SPOCD1: variants seen among roughly 807,000 people sequenced by gnomAD.
SPOCD1 encodes SPOC domain containing 1.
In SPOCD1, 64 loss-of-function variants were observed where a neutral mutation model predicts 92.2. That is an observed-to-expected ratio of 0.69 (90% CI 0.57 to 0.86). SPOCD1 has a LOEUF of 0.86. Ranked by LOEUF, SPOCD1 falls within the 40% of genes least tolerant of loss-of-function variation. The pLI is 0.00. For synonymous variants in SPOCD1, 578 were observed against 619.3 expected (o/e 0.93, Z 0.99); for missense variants, 1,360 against 1,543.1 (o/e 0.88, Z 1.99).
rs779165863 is a variant in SPOCD1 at position 31,791,279 on chromosome 1, A to G, written c.2975T>C (p.Leu992Pro). ...RPLGGPGLWALPVSPLLSPGL... is the reference protein window; with the variant it reads ...RPLGGPGLWAPPVSPLLSPGL... ...TGGGGAAAGGAGAGGGGAGACAGGAAGAGCCCAAAGGCCTGCGGGGAAGAA... is the reference window on the plus strand; with the variant it reads ...TGGGGAAAGGAGAGGGGAGACAGGAGGAGCCCAAAGGCCTGCGGGGAAGAA... The change falls in exon 16 of 16, where the codon CTT becomes CCT. Residue 992 changes from leucine to proline, a missense_variant. Coordinates refer to ENST00000360482, the MANE Select transcript of SPOCD1 (RefSeq NM_144569.7). 4.6e-6 allele frequency: 7 copies of G among 1,537,250 alleles called. No individual in the cohort carries two copies. In the South Asian group the frequency reaches 6.3e-5, roughly 14 times the overall value.
chr1:31,798,344 G>C lies in SPOCD1; in HGVS notation c.2029-21C>G. ...AAGTCCTGGTGGGGGCAGGGGGCAG[G>C]GCTGCACCACACGCTGAAAGAGCTC... On this transcript the variant is annotated intron_variant, in intron 8 of 15. Transcript: ENST00000360482. The surrounding 1 kb of genome is among the most constrained non-coding windows in gnomAD (Gnocchi z 4.1). 1 of 1,606,204 alleles carries C rather than the reference G, an allele frequency of 6.2e-7. No homozygotes were observed. The highest frequency in any genetic ancestry group is 1.3e-5 in the African/African-American group (1 of 74,894).
Position 31,815,026 on chromosome 1 carries a change from T to C in SPOCD1, c.308A>G (p.Gln103Arg), listed in dbSNP as rs1649466677. ...GSMLAPGLHM[Q>R]LPSVPTQGRA... ...CCCCTGAGTAGGCACCGAGGGCAGC[T>C]GCATGTGGAGCCCAGGAGCCAGCAT... Residue 103 changes from glutamine to arginine, a missense_variant, in exon 2 of 16, where the codon CAG becomes CGG. Gln to Arg is a conservative substitution (Grantham distance 43, BLOSUM62 1). Around this residue, in one of 3 missense-constraint regions of SPOCD1, gnomAD observed 140 missense variants for 183.8 expected, o/e 0.76. Coordinates refer to ENST00000360482, the MANE Select transcript of SPOCD1 (RefSeq NM_144569.7). The C allele has an allele frequency of 2.5e-6, 4 of 1,613,790 alleles. No individual in the cohort carries two copies. The highest frequency in any genetic ancestry group is 2.2e-5 in the East Asian group (1 of 44,872).
rs761615533 is a variant in SPOCD1 at position 31,799,875 on chromosome 1, G to T, written c.1729-12C>A. ...TCCATTGGGCCACTCTGTAGGGGAGGCGTGAGGAATTGAGGCTGTGCTGGT... is the reference window on the plus strand; with the variant it reads ...TCCATTGGGCCACTCTGTAGGGGAGTCGTGAGGAATTGAGGCTGTGCTGGT... On this transcript the variant is annotated splice_polypyrimidine_tract_variant and intron_variant, in intron 5 of 15. Transcript: ENST00000360482. The T allele has an allele frequency of 2.7e-5, 43 of 1,614,154 alleles. No homozygotes were observed. Among genetic ancestry groups the T allele is most frequent in the Non-Finnish European group, 3.5e-5 (41 of 1,180,018 alleles).
chr1:31,815,092 C>T lies in SPOCD1; in HGVS notation c.242G>A (p.Gly81Glu), dbSNP rs1384877892. ...RAAGAAEVRP[G>E]VLELLAVVQS... ...TACCACAGCTAGCAGCTCCAAGACC[C>T]CTGGCCGGACCTCAGCAGCACCTGC... is the stretch of plus-strand genomic sequence containing the variant. The change falls in exon 2 of 16, where the codon GGG becomes GAG. Residue 81 changes from glycine to glutamate, a missense_variant. Transcript: ENST00000360482. The T allele has an allele frequency of 1.2e-6, 2 of 1,613,138 alleles. No homozygotes were observed. Among genetic ancestry groups the T allele is most frequent in the Admixed American group, 3.3e-5 (2 of 60,016 alleles).
In SPOCD1 at chr1:31,791,244, C is replaced by T. The variant is rs776289221; in HGVS notation, c.3010G>A (p.Val1004Ile). Residue 1004 changes from valine to isoleucine, a missense_variant, in exon 16 of 16, where the codon GTC becomes ATC. Val to Ile is a conservative substitution (Grantham distance 29). Around this residue, in one of 3 missense-constraint regions of SPOCD1, gnomAD observed 614 missense variants for 757.8 expected, o/e 0.81. Coordinates refer to ENST00000360482, the MANE Select transcript of SPOCD1 (RefSeq NM_144569.7). ...VSPLLSPGLE[V>I]THSSLLLAVL... ...GCCAGCAACAGACTTGAGTGAGTGA[C>T]CTCCAGACCTGGGGAAAGGAGAGGG... The T allele has an allele frequency of 1.9e-6, 3 of 1,577,708 alleles. No individual in the cohort carries two copies. The highest frequency in any genetic ancestry group is 2.6e-6 in the Non-Finnish European group (3 of 1,160,248).
chr1:31,814,383 T>C lies in SPOCD1; in HGVS notation c.951A>G (p.Ser317=), dbSNP rs1649408060. 1 of 1,607,472 alleles carries C rather than the reference T, an allele frequency of 6.2e-7. No homozygotes were observed. The highest frequency in any genetic ancestry group is 1.7e-5 in the Admixed American group (1 of 59,626). Residue 317 remains serine, a synonymous_variant, in exon 2 of 16, where the codon TCA becomes TCG. Transcript: ENST00000360482. The surrounding 1 kb of genome is among the most constrained non-coding windows in gnomAD (Gnocchi z 4.2). ...PVPSGGESLS[S]AAQAPPQSAA... Reference sequence around the variant, plus strand: ...CGCTCTGTGGAGGAGCCTGTGCAGCTGAACTGAGGGACTCCCCTCCACTGG... The same window carrying C: ...CGCTCTGTGGAGGAGCCTGTGCAGCCGAACTGAGGGACTCCCCTCCACTGG...
At chr1:31,804,715 G>A (rs1279111937) in intron 2 of SPOCD1, among the ~76,000 whole-genome samples, 1 of 151,946 alleles carries the variant, frequency 6.6e-6, no homozygotes, top group African/African-American at 2.4e-5. Context: ...AGAATTTTGA[G>A]CAAAGAAAAT....
At chr1:31,793,580 C>G (rs993057951) in intron 12 of SPOCD1, 152 bp from the exon 13 acceptor site, 1 of 1,489,542 alleles carries the variant, frequency 6.7e-7, no homozygotes, top group Non-Finnish European at 9.2e-7. Flanking sequence ...TGCCAGGAGG[C>G]TGGGATGATT....
Position 31,798,224 on chromosome 1 carries a change from C to T in SPOCD1, c.2128G>A (p.Asp710Asn). 6.2e-7 allele frequency: 1 copy of T among 1,614,100 alleles called. No individual in the cohort carries two copies. Among genetic ancestry groups the T allele is most frequent in the Non-Finnish European group, 8.5e-7 (1 of 1,180,010 alleles). Residue 710 changes from aspartate to asparagine, a missense_variant, in exon 9 of 16, where the codon GAC becomes AAC. Asp to Asn is a conservative substitution (Grantham distance 23). Around this residue, in one of 3 missense-constraint regions of SPOCD1, gnomAD observed 614 missense variants for 757.8 expected, o/e 0.81. Coordinates refer to ENST00000360482, the MANE Select transcript of SPOCD1 (RefSeq NM_144569.7). This position sits in a 1 kb window ranked among gnomAD's most constrained non-coding sequence, Gnocchi z 4.1. Reference protein sequence around the residue: ...LAPQELARWRDQEEKRGLNII... With the variant: ...LAPQELARWRNQEEKRGLNII... ...GCACTCACCCTTTTCTCCTCCTGGT[C>T]CCGCCAGCGGGCCAGCTCCTGGGGG...
At chr1:31,803,660 G>C (rs1318569941) in intron 2 of SPOCD1, among the ~76,000 whole-genome samples, 1 of 151,910 alleles carries the variant, frequency 6.6e-6, no homozygotes, top group African/African-American at 2.4e-5. Flanking sequence ...AGAATTGTTT[G>C]AGCCGGAGAA....
intron 11 of SPOCD1, 70 bp from the exon 12 acceptor site, chr1:31,793,967 G>A: frequency 6.4e-7 from 1 of 1,559,288 alleles, no homozygotes. Flanking sequence ...GGGCTTTAGA[G>A]CCAGGGTTGA....
At chr1:31,812,923 A>G (rs1219857900) in intron 2 of SPOCD1, among the ~76,000 whole-genome samples, 3 of 152,244 alleles carry the variant, frequency 2.0e-5, no homozygotes, top group Non-Finnish European at 2.9e-5. Context: ...TATTCAATAA[A>G]TGTGATGAAA....
intron 3 of SPOCD1, among the ~76,000 whole-genome samples, chr1:31,801,379 C>A (rs1194720740): frequency 6.6e-6 from 1 of 152,140 alleles, no homozygotes; most frequent in Non-Finnish European, 1.5e-5. Flanking sequence ...AAGTGTGTTT[C>A]AATTCTTTTC....
intron 3 of SPOCD1, 138 bp downstream of exon 3, chr1:31,801,526 G>T: frequency 1.4e-6 from 1 of 698,476 alleles, no homozygotes; most frequent in South Asian, 1.7e-5. Context: ...TATAGAGGGA[G>T]GGGAGCACTA....
rs1395705668 is a variant in SPOCD1 at position 31,809,472 on chromosome 1, C to T, written c.1383+4479G>A. Among the ~76,000 whole-genome samples, 3 of 151,778 alleles carry T rather than the reference C, an allele frequency of 2.0e-5. No individual in the cohort carries two copies. The East Asian group carries it at 5.8e-4, about 29-fold the overall frequency. ...CCCAGAAAATATTCCCTGGAGATAC[C>T]CCATATGTACCAAAAACCATACAAA... On this transcript the variant is annotated intron_variant, in intron 2 of 15. Transcript: ENST00000360482.
intron 2 of SPOCD1, among the ~76,000 whole-genome samples, chr1:31,802,683 T>C (rs1463977745): frequency 6.6e-6 from 1 of 152,240 alleles, no homozygotes; most frequent in East Asian, 1.9e-4. Flanking sequence ...TTTCTACTTG[T>C]AGGAACTTGG....
intron 2 of SPOCD1, among the ~76,000 whole-genome samples, chr1:31,804,202 C>T (rs1318838588): frequency 3.9e-5 from 6 of 152,154 alleles, no homozygotes; most frequent in Non-Finnish European, 8.8e-5. Flanking sequence ...TAATTTAATC[C>T]TCACCATAAT....
chr1:31,791,686 A>G (rs1031446556), intron 15 of SPOCD1, among the ~76,000 whole-genome samples: 1 of 152,140 alleles, frequency 6.6e-6, no homozygotes, highest in Non-Finnish European at 1.5e-5. Flanking sequence ...CTCCTCTCTG[A>G]GGTGACATTT....
intron 14 of SPOCD1, 97 bp downstream of exon 14, chr1:31,792,581 A>G (rs560158636): frequency 8.4e-7 from 1 of 1,193,206 alleles, no homozygotes; most frequent in Non-Finnish European, 1.2e-6. Flanking sequence ...TGGGAACTAG[A>G]CCCAGATATC....
Sources: gnomAD v4.1 joint callset for allele counts (sites outside exome capture counted in the v4.1 genomes callset) on GRCh38, gnomAD v4.1.1 for gene constraint, gnomAD v4.1.1 regional missense constraint, Gnocchi (gnomAD v3.1) non-coding constraint, MANE v1.5 for transcripts, NCBI Gene and HGNC (gene_info 2026-07-23, HGNC 2026-07-21) for gene names.